The following TNKS variants were observed in gnomAD, a reference collection of about 807,000 sequenced individuals.
TNKS encodes the protein tankyrase.
TNKS carries 72 observed loss-of-function variants against 135.8 expected under a neutral mutation model. The observed-to-expected ratio is 0.53, with a 90% confidence interval of 0.44 to 0.64. TNKS has a LOEUF of 0.64. TNKS is among the 30% of genes least tolerant of loss of function. The probability of loss-of-function intolerance (pLI) is 0.00; values close to 1 mark genes in which losing one functional copy is unlikely to be tolerated. For synonymous variants in TNKS, 849 were observed against 649.3 expected (o/e 1.31, Z -4.68); for missense variants, 1,769 against 1,674.0 (o/e 1.06, Z -0.99).
At chr8:9,663,354 G>T (rs927667929) in intron 3 of TNKS, among the ~76,000 whole-genome samples, 1 of 152,184 alleles carries the variant, frequency 6.6e-6, no homozygotes. Context: ...GTTTATTCAA[G>T]GAAAGTGCTT....
chr8:9,608,808 CAG>C (rs1291952308), intron 2 of TNKS, among the ~76,000 whole-genome samples: 2 of 152,174 alleles, frequency 1.3e-5, no homozygotes, highest in Admixed American at 6.5e-5. Flanking sequence ...TTGTGTTAGG[CAG>C]AGAGTTGGGT....
At position 9,556,413 on chromosome 8, in the gene TNKS, A is replaced by G; in HGVS notation, c.474A>G (p.Gly158=). Residue 158 remains glycine, a synonymous_variant, in exon 1 of 27, where the codon GGA becomes GGG. Coordinates refer to ENST00000310430, the MANE Select transcript of TNKS (RefSeq NM_003747.3). ...SSLAESPEAA[G]VSSTAPLGPG... ...TGGCGGAGAGCCCCGAGGCGGCCGG[A>G]GTTAGCAGCACAGCACCACTGGGGC... 1 of 1,614,120 alleles carries G rather than the reference A, an allele frequency of 6.2e-7. No homozygotes were observed. Among genetic ancestry groups the G allele is most frequent in the Non-Finnish European group, 8.5e-7 (1 of 1,180,014 alleles).
intron 3 of TNKS, among the ~76,000 whole-genome samples, chr8:9,652,764 T>TA (rs1801192669): frequency 6.6e-6 from 1 of 152,192 alleles, no homozygotes; most frequent in Non-Finnish European, 1.5e-5. Context: ...CATCTTGTGT[T>TA]AGAGTTTTTC....
chr8:9,595,722 G>C (rs4612344), intron 2 of TNKS, among the ~76,000 whole-genome samples: 3 of 151,970 alleles, frequency 2.0e-5, no homozygotes, highest in African/African-American at 4.8e-5. Context: ...CTTTTTTACA[G>C]TGATGCAAGG....
intron 2 of TNKS, among the ~76,000 whole-genome samples, chr8:9,605,715 T>G (rs1799190853): frequency 6.6e-6 from 1 of 152,112 alleles, no homozygotes; most frequent in South Asian, 2.1e-4. Context: ...GAGCATCTTT[T>G]CATGGACTTA....
chr8:9,772,199 G>A (rs1310167573), intron 26 of TNKS, among the ~76,000 whole-genome samples: 1 of 151,476 alleles, frequency 6.6e-6, no homozygotes, highest in Non-Finnish European at 1.5e-5. Context: ...TATGGGGATT[G>A]TTTCACTAAG....
chr8:9,641,298 T>TA (rs1424753378), intron 3 of TNKS, among the ~76,000 whole-genome samples: 1 of 144,464 alleles, frequency 6.9e-6, no homozygotes, highest in Admixed American at 7.4e-5. Flanking sequence ...TTTTTTTTTT[T>TA]ACCACTTGAC....
At chr8:9,645,424 A>T (rs1180370873) in intron 3 of TNKS, among the ~76,000 whole-genome samples, 1 of 152,216 alleles carries the variant, frequency 6.6e-6, no homozygotes, top group Non-Finnish European at 1.5e-5. Flanking sequence ...AGTTGTCTGC[A>T]TAGTCTGAAG....
intron 2 of TNKS, among the ~76,000 whole-genome samples, chr8:9,581,314 A>T (rs34413242): frequency 0.066 from 10,006 of 152,232 alleles, 441 homozygotes; most frequent in Non-Finnish European, 0.096. Context: ...ACTATTTTTT[A>T]AAAAAATCAC....
At chr8:9,581,387 C>A (rs935373832) in intron 2 of TNKS, among the ~76,000 whole-genome samples, 2 of 152,112 alleles carry the variant, frequency 1.3e-5, no homozygotes, top group Non-Finnish European at 2.9e-5. Flanking sequence ...ATATCCTGTC[C>A]TTTCAGTTTT....
chr8:9,642,424 T>C (rs1800762810), intron 3 of TNKS, among the ~76,000 whole-genome samples: 1 of 146,470 alleles, frequency 6.8e-6, no homozygotes, highest in Non-Finnish European at 1.5e-5. Flanking sequence ...TTTGTCACAC[T>C]AGGATTTCCA....
intron 5 of TNKS, among the ~76,000 whole-genome samples, chr8:9,696,066 C>A (rs1461785939): frequency 6.6e-6 from 1 of 152,096 alleles, no homozygotes; most frequent in Non-Finnish European, 1.5e-5. Flanking sequence ...AACCAGTAAC[C>A]TCCACAGTAT....
intron 3 of TNKS, among the ~76,000 whole-genome samples, chr8:9,624,756 T>C (rs964880688): frequency 6.6e-6 from 1 of 152,174 alleles, no homozygotes; most frequent in Non-Finnish European, 1.5e-5. Context: ...CTAGGTGTCC[T>C]CAGGGGTACT....
Position 9,576,823 on chromosome 8 carries a change from T to A in TNKS, c.674-3336T>A, listed in dbSNP as rs57623575. Among the ~76,000 whole-genome samples, 556 of 152,080 alleles carry A rather than the reference T, an allele frequency of 3.7e-3. 3 individuals are homozygous for A. Among genetic ancestry groups the A allele is most frequent in the African/African-American group, 0.012 (512 of 41,484 alleles). On this transcript the variant is annotated intron_variant, in intron 1 of 26. Transcript: ENST00000310430. ...TTGAACCATATGAAGTTGACAAAAATAATGTGAATATATGAAATATATTCT... is the reference window on the plus strand; with the variant it reads ...TTGAACCATATGAAGTTGACAAAAAAAATGTGAATATATGAAATATATTCT...
chr8:9,579,658 G>C (rs1205476898), intron 1 of TNKS, among the ~76,000 whole-genome samples: 3 of 151,980 alleles, frequency 2.0e-5, no homozygotes, highest in Non-Finnish European at 4.4e-5. Flanking sequence ...TATTAGAGAC[G>C]GGGTATCACC....
intron 20 of TNKS, among the ~76,000 whole-genome samples, chr8:9,758,567 T>C (rs905393486): frequency 6.6e-6 from 1 of 152,196 alleles, no homozygotes; most frequent in Non-Finnish European, 1.5e-5. Flanking sequence ...CCACAGTTTC[T>C]GTATGTCAAC....
intron 3 of TNKS, among the ~76,000 whole-genome samples, chr8:9,652,784 A>T (rs781568542): frequency 2.6e-5 from 4 of 152,204 alleles, no homozygotes; most frequent in Non-Finnish European, 2.9e-5. Context: ...CTGTGAGTCA[A>T]ACATTGAGTG....
chr8:9,767,463 A>C (rs1223855696), intron 25 of TNKS, among the ~76,000 whole-genome samples: 1 of 152,222 alleles, frequency 6.6e-6, no homozygotes, highest in Non-Finnish European at 1.5e-5. Flanking sequence ...TTTGGTTAAG[A>C]CCTTAAAAAG....
intron 17 of TNKS, among the ~76,000 whole-genome samples, chr8:9,741,425 G>GT (rs2128822298): frequency 6.6e-6 from 1 of 152,250 alleles, no homozygotes; most frequent in South Asian, 2.1e-4. Context: ...TGGATGTAAG[G>GT]AAGTTCTACT....
Sources: allele counts gnomAD v4.1 joint callset (sites outside exome capture counted in the v4.1 genomes callset), GRCh38; gene constraint gnomAD v4.1.1; transcripts MANE v1.5; gene names NCBI Gene and HGNC (gene_info 2026-07-23, HGNC 2026-07-21).